The following PCDH17 variants were observed in gnomAD, a reference collection of about 807,000 sequenced individuals.
The protein encoded by PCDH17 is protocadherin-17.
Under a neutral mutation model 67.7 loss-of-function variants are expected in PCDH17, and 21 were observed. That is an observed-to-expected ratio of 0.31 (90% CI 0.22 to 0.45). The LOEUF is 0.45. PCDH17 is among the 20% of genes least tolerant of loss of function. The pLI is 1.00. For missense variants in PCDH17, 1,471 were observed against 1,564.8 expected (o/e 0.94, Z 1.01); for synonymous variants, 701 against 656.7 (o/e 1.07, Z -1.03).
At chr13:57,665,731 T>C (rs912397808) in intron 1 of PCDH17, among the ~76,000 whole-genome samples, 1 of 152,194 alleles carries the variant, frequency 6.6e-6, no homozygotes, top group Non-Finnish European at 1.5e-5. Flanking sequence ...CAGACCTCCA[T>C]GTCAGTTTGG....
chr13:57,708,004 G>A (rs377157406), intron 3 of PCDH17, among the ~76,000 whole-genome samples: 3 of 152,058 alleles, frequency 2.0e-5, no homozygotes, highest in Middle Eastern at 3.4e-3. Context: ...TTTTAGGGTG[G>A]GGGGCAGTAT....
At chr13:57,688,087 C>A (rs1245569114) in intron 3 of PCDH17, among the ~76,000 whole-genome samples, 1 of 151,946 alleles carries the variant, frequency 6.6e-6, no homozygotes, top group Non-Finnish European at 1.5e-5. Context: ...ACCCCCCCAC[C>A]CCATTTTTTT....
chr13:57,672,885 TA>T (rs1274737098), intron 3 of PCDH17, among the ~76,000 whole-genome samples: 1 of 151,908 alleles, frequency 6.6e-6, no homozygotes, highest in African/African-American at 2.4e-5. Flanking sequence ...AGATGCAGAC[TA>T]ACTGGGAAAG....
At chr13:57,699,828 G>A (rs1302965291) in intron 3 of PCDH17, among the ~76,000 whole-genome samples, 2 of 151,784 alleles carry the variant, frequency 1.3e-5, no homozygotes, top group Non-Finnish European at 2.9e-5. Context: ...TATTAAAAAT[G>A]TATATTCTTT....
intron 1 of PCDH17, among the ~76,000 whole-genome samples, chr13:57,649,463 T>G (rs1955009100): frequency 6.6e-6 from 1 of 152,192 alleles, no homozygotes; most frequent in African/African-American, 2.4e-5. Context: ...AAGTAGTTAG[T>G]GCTCAGATCC....
At chr13:57,638,215 C>A (rs1954848261) in intron 1 of PCDH17, among the ~76,000 whole-genome samples, 1 of 151,958 alleles carries the variant, frequency 6.6e-6, no homozygotes, top group South Asian at 2.1e-4. Flanking sequence ...TTTATAGGAG[C>A]AATATTCCTG....
chr13:57,678,734 A>T (rs1172818578), intron 3 of PCDH17, among the ~76,000 whole-genome samples: 1 of 151,616 alleles, frequency 6.6e-6, no homozygotes, highest in East Asian at 1.9e-4. Context: ...TGTGGCCATT[A>T]TTTCATATTT....
intron 3 of PCDH17, among the ~76,000 whole-genome samples, chr13:57,722,576 T>C (rs1955879958): frequency 6.6e-6 from 1 of 152,148 alleles, no homozygotes; most frequent in Admixed American, 6.5e-5. Flanking sequence ...AAATGACTGA[T>C]ACCTGATATT....
At chr13:57,644,080 C>T (rs896409416) in intron 1 of PCDH17, among the ~76,000 whole-genome samples, 1 of 151,606 alleles carries the variant, frequency 6.6e-6, no homozygotes, top group Non-Finnish European at 1.5e-5. Context: ...TCAATGCATA[C>T]CTTGAAAAAA....
chr13:57,676,461 G>C (rs1016146397), intron 3 of PCDH17, among the ~76,000 whole-genome samples: 1 of 151,804 alleles, frequency 6.6e-6, no homozygotes, highest in East Asian at 1.9e-4. Context: ...TGAGGCACCC[G>C]TATGGAAGTA....
chr13:57,690,767 A>G (rs917719536), intron 3 of PCDH17, among the ~76,000 whole-genome samples: 2 of 151,582 alleles, frequency 1.3e-5, no homozygotes, highest in Admixed American at 1.3e-4. Context: ...CCTTTGTAGT[A>G]TCATTTATGT....
chr13:57,713,548 G>A (rs1955794485), intron 3 of PCDH17, among the ~76,000 whole-genome samples: 2 of 151,622 alleles, frequency 1.3e-5, no homozygotes, highest in Admixed American at 6.6e-5. Flanking sequence ...CTTAGTGGTA[G>A]GGGTATTGTT....
chr13:57,632,268 C>G lies in PCDH17; in HGVS notation c.-279C>G. ...AGAGACGAAACCCCTGGCTCACCCC[C>G]AGCCGCAGGAAGCCACCGCCTTGCT... On this transcript the variant is annotated 5_prime_UTR_variant, in exon 1 of 4. Coordinates refer to ENST00000377918, the MANE Select transcript of PCDH17 (RefSeq NM_001040429.3). The G allele has an allele frequency of 2.0e-6, 1 of 499,512 alleles. No homozygotes were observed. Among genetic ancestry groups the G allele is most frequent in the Non-Finnish European group, 3.5e-6 (1 of 282,750 alleles). 30.9% of individuals were successfully genotyped at this position (499,512 alleles called of 1,614,324 possible).
At position 57,725,338 on chromosome 13, in the gene PCDH17, G is replaced by A. The variant is rs1219926920; in HGVS notation, c.*44G>A. ...GCATTGGCATTTTCTTGTCTCTTCT[G>A]TTGATTTAAAAATGATCCCTCCTGG... is the stretch of plus-strand genomic sequence containing the variant. On this transcript the variant is annotated 3_prime_UTR_variant, in exon 4 of 4. Coordinates refer to ENST00000377918, the MANE Select transcript of PCDH17 (RefSeq NM_001040429.3). 1 of 1,528,086 alleles carries A rather than the reference G, an allele frequency of 6.5e-7. No individual in the cohort carries two copies. Among genetic ancestry groups the A allele is most frequent in the Admixed American group, 1.9e-5 (1 of 51,342 alleles). 94.7% of individuals were successfully genotyped at this position (1,528,086 alleles called of 1,614,324 possible).
intron 3 of PCDH17, among the ~76,000 whole-genome samples, chr13:57,724,312 CAGG>C (rs1375186411): frequency 9.2e-5 from 14 of 152,046 alleles, no homozygotes; most frequent in Admixed American, 6.5e-4. Context: ...CTGATATTCC[CAGG>C]AGTTTAGTTT....
At chr13:57,708,614 G>T (rs1955743090) in intron 3 of PCDH17, among the ~76,000 whole-genome samples, 1 of 151,668 alleles carries the variant, frequency 6.6e-6, no homozygotes, top group South Asian at 2.1e-4. Context: ...CAAAGCCAGG[G>T]GAAAAAGAAA....
At chr13:57,711,280 C>G (rs899327790) in intron 3 of PCDH17, among the ~76,000 whole-genome samples, 1 of 151,870 alleles carries the variant, frequency 6.6e-6, no homozygotes, top group Non-Finnish European at 1.5e-5. Flanking sequence ...GGCACATGTA[C>G]ACCTGTGCAG....
intron 3 of PCDH17, among the ~76,000 whole-genome samples, chr13:57,712,743 AT>A (rs1016693640): frequency 1.3e-5 from 2 of 151,698 alleles, no homozygotes; most frequent in Admixed American, 1.3e-4. Context: ...GACTGTCTTA[AT>A]TAGTTCTTCT....
chr13:57,727,698 A>G lies in PCDH17; in HGVS notation c.*2404A>G, dbSNP rs1020766341. ...TCTCTATATTTTGGACAATTTATGTATCTGAAATGTGTTGTCTCTGTTATA... is the reference window on the plus strand; with the variant it reads ...TCTCTATATTTTGGACAATTTATGTGTCTGAAATGTGTTGTCTCTGTTATA... On this transcript the variant is annotated 3_prime_UTR_variant, in exon 4 of 4. Transcript: ENST00000377918. 1 of 152,114 alleles carries G rather than the reference A, an allele frequency of 6.6e-6. No individual in the cohort carries two copies. The highest frequency in any genetic ancestry group is 2.4e-5 in the African/African-American group (1 of 41,436). The allele number at this position is 152,114 out of a possible 1,614,324, so 9.4% of individuals were successfully genotyped here.
Sources: gnomAD v4.1 joint callset for allele counts (sites outside exome capture counted in the v4.1 genomes callset) on GRCh38, gnomAD v4.1.1 for gene constraint, MANE v1.5 for transcripts, NCBI Gene and HGNC (gene_info 2026-07-23, HGNC 2026-07-21) for gene names.